The following SARDH variants were observed in gnomAD, a reference collection of about 807,000 sequenced individuals.
SARDH encodes the protein sarcosine dehydrogenase, also known as sarcosine dehydrogenase, mitochondrial.
SARDH carries 95 observed loss-of-function variants against 109.1 expected under a neutral mutation model. The ratio of observed to expected loss-of-function variants is 0.87; its 90% CI spans 0.74 to 1.03. The LOEUF is 1.03. Ranked by LOEUF, SARDH falls within the 50% of genes least tolerant of loss-of-function variation. The pLI, the probability that SARDH is intolerant of heterozygous loss-of-function variation, is 0.00. For synonymous variants in SARDH, 572 were observed against 534.8 expected (o/e 1.07, Z -0.96); for missense variants, 1,267 against 1,287.8 (o/e 0.98, Z 0.25).
At chr9:133,711,625 G>A (rs753088133) in intron 10 of SARDH, among the ~76,000 whole-genome samples, 3 of 152,254 alleles carry the variant, frequency 2.0e-5, no homozygotes, top group South Asian at 2.1e-4. Flanking sequence ...CACAGTGGGC[G>A]TAATGTCCTC....
intron 16 of SARDH, among the ~76,000 whole-genome samples, chr9:133,689,199 TC>T (rs1831003662): frequency 8.4e-6 from 1 of 118,904 alleles, no homozygotes; most frequent in African/African-American, 3.2e-5. Context: ...TCCCTGCCTC[TC>T]CTCCTCTCCT....
intron 6 of SARDH, among the ~76,000 whole-genome samples, chr9:133,719,547 C>A (rs376651690): frequency 6.6e-6 from 1 of 152,084 alleles, no homozygotes; most frequent in Non-Finnish European, 1.5e-5. Context: ...GGGGGTGATG[C>A]GCTTGCTCAT....
rs764001252 is a variant in SARDH at position 133,705,010 on chromosome 9, C to T, written c.1492G>A (p.Val498Met). 17 of 1,592,180 alleles carry T rather than the reference C, an allele frequency of 1.1e-5. No individual in the cohort carries two copies. The highest frequency in any genetic ancestry group is 4.0e-5 in the African/African-American group (3 of 74,768). ...LHEELLGQGCVFQERHGWERP... is the reference protein window; with the variant it reads ...LHEELLGQGCMFQERHGWERP... Reference sequence around the variant, plus strand: ...TCCCAGCCATGCCGCTCCTGGAACACGCAGCCTTGTCCAAGGAGTTCCTGA... The same window carrying T: ...TCCCAGCCATGCCGCTCCTGGAACATGCAGCCTTGTCCAAGGAGTTCCTGA... The change falls in exon 12 of 21, where the codon GTG becomes ATG. Residue 498 changes from valine to methionine, a missense_variant. By Grantham distance (21) the Val-to-Met change is conservative. Transcript: ENST00000439388.
chr9:133,666,741 A>AC lies in SARDH; in HGVS notation c.2624dup (p.Gly876TrpfsTer84), dbSNP rs1456408522. ...GCCAGAGAAGGGGACTCACCGGCCC[A>AC]CCGCTGGGGTCATGGATGTAACCGT... On this transcript the variant is annotated frameshift_variant, in exon 20 of 21. Transcript: ENST00000439388. LOFTEE classifies it high-confidence loss of function. This position sits in a 1 kb window ranked among gnomAD's most constrained non-coding sequence, Gnocchi z 5.2. The AC allele has an allele frequency of 6.3e-7, 1 of 1,591,112 alleles. No individual in the cohort carries two copies. Among genetic ancestry groups the AC allele is most frequent in the African/African-American group, 1.3e-5 (1 of 74,466 alleles).
chr9:133,717,656 C>A (rs965102901), intron 7 of SARDH, among the ~76,000 whole-genome samples: 1 of 151,954 alleles, frequency 6.6e-6, no homozygotes, highest in Non-Finnish European at 1.5e-5. Context: ...TCCCCCTCCC[C>A]ACCCCAGCCC....
Position 133,709,202 on chromosome 9 carries a change from C to T in SARDH, c.1329-774G>A, listed in dbSNP as rs563098601. ...CCCCCGGTGGTGTCCAGCACGAACC[C>T]GGCGGGCCCCATGCTATTTCTCATG... On this transcript the variant is annotated intron_variant, in intron 10 of 20. Coordinates refer to ENST00000439388, the MANE Select transcript of SARDH (RefSeq NM_001134707.2). The surrounding 1 kb of genome is among the most constrained non-coding windows in gnomAD (Gnocchi z 4.2). Among the ~76,000 whole-genome samples, 18 of 152,252 alleles carry T rather than the reference C, an allele frequency of 1.2e-4. No individual in the cohort carries two copies. The highest frequency in any genetic ancestry group is 1.7e-4 in the African/African-American group (7 of 41,548).
rs774103720 is a variant in SARDH at position 133,690,458 on chromosome 9, A to G, written c.1991T>C (p.Leu664Pro). The part of the protein sequence containing the change: ...QHNWSHITTV[L>P]QDQKSQCQLI... ...CTGGCACTGGGACTTCTGGTCCTGC[A>G]GCACGGTGGTGATGTGGGACCAGTT... The change falls in exon 16 of 21, where the codon CTG becomes CCG. Residue 664 changes from leucine (L) to proline (P), a missense_variant. By Grantham distance (98) the Leu-to-Pro change is moderately conservative. Transcript: ENST00000439388. 1.9e-6 allele frequency: 3 copies of G among 1,612,718 alleles called. No homozygotes were observed. The highest frequency in any genetic ancestry group is 1.7e-5 in the Admixed American group (1 of 60,026).
At position 133,692,142 on chromosome 9, in the gene SARDH, C is replaced by G. The variant is rs538898970; in HGVS notation, c.1922-1615G>C. Among the ~76,000 whole-genome samples, 215 of 152,302 alleles carry G rather than the reference C, an allele frequency of 1.4e-3. 2 individuals carry two copies. Among genetic ancestry groups the G allele is most frequent in the African/African-American group, 5.1e-3 (212 of 41,558 alleles). On this transcript the variant is annotated intron_variant, in intron 15 of 20. Transcript: ENST00000439388. The surrounding 1 kb of genome is among the most constrained non-coding windows in gnomAD (Gnocchi z 5.0). ...CCAGCCCTCCCAGCACCCCCAGACT[C>G]TGACTCAATTCTCCATCGCAGCCCC...
chr9:133,713,207 A>G, intron 8 of SARDH, 83 bp from the exon 9 acceptor site: 1 of 1,279,212 alleles, frequency 7.8e-7, no homozygotes, highest in African/African-American at 1.5e-5. Context: ...AGCAGTGATC[A>G]GGCAGGGTCT....
In SARDH at chr9:133,719,061, G is replaced by A; in HGVS notation, c.916-19C>T. On this transcript the variant is annotated intron_variant, in intron 6 of 20. Transcript: ENST00000439388. The stretch of plus-strand genomic sequence containing the variant: ...GCATGTTCTGGAAGGCAGAGAGAGA[G>A]GCCTTGGCATCATCCAGAACTGGGT... 1 of 1,607,906 alleles carries A rather than the reference G, an allele frequency of 6.2e-7. No homozygotes were observed. Among genetic ancestry groups the A allele is most frequent in the South Asian group, 1.1e-5 (1 of 90,908 alleles).
In SARDH at chr9:133,708,407, C is replaced by A; in HGVS notation, c.1350G>T (p.Thr450=). 6.2e-7 allele frequency: 1 copy of A among 1,611,018 alleles called. No homozygotes were observed. The highest frequency in any genetic ancestry group is 1.1e-5 in the South Asian group (1 of 90,896). The part of the protein sequence containing the change: ...YDIRRFHHSL[T]DHPRWIRERS... ...GCTCTCGGATCCAGCGGGGGTGGTC[C>A]GTGAGCGAGTGATGGAAGCGCCTGC... Residue 450 remains threonine (T), a synonymous_variant, in exon 11 of 21, where the codon ACG becomes ACT. Transcript: ENST00000439388.
At chr9:133,736,527 C>G (rs1470016737) in intron 1 of SARDH, among the ~76,000 whole-genome samples, 1 of 152,200 alleles carries the variant, frequency 6.6e-6, no homozygotes, top group Non-Finnish European at 1.5e-5. Context: ...TCTCGAGTAG[C>G]TGGGATTATA....
chr9:133,685,352 C>A, intron 16 of SARDH, 66 bp from the exon 17 acceptor site: 1 of 1,351,828 alleles, frequency 7.4e-7, no homozygotes, highest in South Asian at 1.3e-5. Flanking sequence ...CAGGAAAGGC[C>A]CCGGGGACCT....
chr9:133,662,742 C>T (rs1324043737), downstream of SARDH, among the ~76,000 whole-genome samples: 3 of 152,196 alleles, frequency 2.0e-5, no homozygotes, highest in Non-Finnish European at 4.4e-5. This position sits in a 1 kb window ranked among gnomAD's most constrained non-coding sequence, Gnocchi z 5.1. Flanking sequence ...CTCTGTGGGG[C>T]CCCGGCTCCA....
intron 17 of SARDH, among the ~76,000 whole-genome samples, chr9:133,674,941 G>A (rs961239321): frequency 3.3e-5 from 5 of 152,184 alleles, no homozygotes; most frequent in South Asian, 2.1e-4. Context: ...GGCAACCCAC[G>A]GGATGGGAGA....
chr9:133,671,768 C>T, intron 17 of SARDH, 71 bp from the exon 18 acceptor site: 1 of 1,481,556 alleles, frequency 6.7e-7, no homozygotes, highest in Admixed American at 2.2e-5. Flanking sequence ...GCCACCACTT[C>T]CTGGTGGCAG....
Position 133,712,517 on chromosome 9 carries a change from T to G in SARDH, c.1328+102A>C. ...CTGCTGCCCCTTCCAGGAAGCCACC[T>G]GGATTTCAGGCAAGGCTCCTTTCTC... On this transcript the variant is annotated intron_variant, in intron 10 of 20. Transcript: ENST00000439388. The surrounding 1 kb of genome is among the most constrained non-coding windows in gnomAD (Gnocchi z 4.1). 1 of 1,078,582 alleles carries G rather than the reference T, an allele frequency of 9.3e-7. No homozygotes were observed. Among genetic ancestry groups the G allele is most frequent in the Non-Finnish European group, 1.4e-6 (1 of 729,360 alleles). The allele number at this position is 1,078,582 out of a possible 1,614,324, so 66.8% of individuals were successfully genotyped here.
chr9:133,719,074 T>G (rs2027963), intron 6 of SARDH, 32 bp from the exon 7 acceptor site: 922,973 of 1,592,580 alleles, frequency 0.58, 268,949 homozygotes, highest in East Asian at 0.62. Context: ...CTTGGCATCA[T>G]CCAGAACTGG....
In SARDH at chr9:133,670,676, G is replaced by A. The variant is rs1411413079; in HGVS notation, c.2403C>T (p.Leu801=). 5.6e-6 allele frequency: 9 copies of A among 1,607,216 alleles called. No individual in the cohort carries two copies. The highest frequency in any genetic ancestry group is 1.1e-5 in the South Asian group (1 of 89,856). Residue 801 remains leucine, a synonymous_variant, in exon 19 of 21, where the codon CTC becomes CTT. Coordinates refer to ENST00000439388, the MANE Select transcript of SARDH (RefSeq NM_001134707.2). ...TCCCCAGGAAGGGCACCGGCGACTTGAGCTTGCAGGTGAAGGCCAGGCCTG... is the reference window on the plus strand; with the variant it reads ...TCCCCAGGAAGGGCACCGGCGACTTAAGCTTGCAGGTGAAGGCCAGGCCTG... ...LEAGLAFTCK[L]KSPVPFLGRE...
Sources: gnomAD v4.1 joint callset for allele counts (sites outside exome capture counted in the v4.1 genomes callset) on GRCh38, gnomAD v4.1.1 for gene constraint, Gnocchi (gnomAD v3.1) non-coding constraint, MANE v1.5 for transcripts, NCBI Gene and HGNC (gene_info 2026-07-23, HGNC 2026-07-21) for gene names.